GLIS3: variants seen among roughly 807,000 people sequenced by gnomAD.
The protein encoded by GLIS3 is GLIS family zinc finger 3.
A neutral mutation model predicts 78.6 loss-of-function variants in GLIS3; 53 were observed. That is an observed-to-expected ratio of 0.67 (90% CI 0.54 to 0.85). The LOEUF (loss-of-function observed/expected upper bound fraction) is 0.85. Ranked by LOEUF, GLIS3 falls within the 40% of genes least tolerant of loss-of-function variation. GLIS3 has a pLI of 0.00. For missense variants in GLIS3, 1,703 were observed against 1,231.1 expected (o/e 1.38, Z -5.74); for synonymous variants, 684 against 509.9 (o/e 1.34, Z -4.60).
At chr9:4,268,614 T>C (rs1320752786) in intron 2 of GLIS3, among the ~76,000 whole-genome samples, 1 of 152,228 alleles carries the variant, frequency 6.6e-6, no homozygotes, top group East Asian at 1.9e-4. Flanking sequence ...AAAGGTATTA[T>C]TATTCATAGG....
chr9:4,335,774 G>C (rs931412817), intron 2 of GLIS3, among the ~76,000 whole-genome samples: 2 of 152,086 alleles, frequency 1.3e-5, no homozygotes, highest in African/African-American at 4.8e-5. Context: ...CATCCCCTGG[G>C]TCCCTTGCCC....
chr9:4,204,264 G>A (rs896241388), intron 2 of GLIS3, among the ~76,000 whole-genome samples: 6 of 152,122 alleles, frequency 3.9e-5, no homozygotes, highest in African/African-American at 7.2e-5. Flanking sequence ...TACAGTTAGC[G>A]ATTTTATAAC....
intron 9 of GLIS3, 92 bp downstream of exon 9, chr9:3,855,917 A>G: frequency 7.4e-7 from 1 of 1,349,300 alleles, no homozygotes; most frequent in African/African-American, 1.4e-5. Flanking sequence ...TGTAGAACAG[A>G]GCATCTGAAA....
the GLIS3 span, among the ~76,000 whole-genome samples, chr9:4,369,885 T>G: frequency 4.0e-5 from 6 of 151,868 alleles, no homozygotes; most frequent in African/African-American, 1.2e-4. Context: ...AATGGAGAGA[T>G]AGCAAAAGGA....
chr9:4,471,787 A>G, the GLIS3 span, among the ~76,000 whole-genome samples: 2 of 152,218 alleles, frequency 1.3e-5, no homozygotes, highest in Admixed American at 1.3e-4. Context: ...GCTTCTGCAC[A>G]GCAAAAGAAA....
intron 4 of GLIS3, among the ~76,000 whole-genome samples, chr9:3,955,064 G>T (rs140337348): frequency 6.6e-6 from 1 of 152,312 alleles, no homozygotes; most frequent in East Asian, 1.9e-4. Context: ...AGGGGACAAG[G>T]GGACAGGCTG....
chr9:4,317,238 C>G (rs573950914), intron 2 of GLIS3, among the ~76,000 whole-genome samples: 2 of 152,326 alleles, frequency 1.3e-5, no homozygotes, highest in East Asian at 1.9e-4. Flanking sequence ...TTCTCTTGTA[C>G]TTAGCCTGTG....
chr9:4,026,809 T>C (rs529558485), intron 4 of GLIS3, among the ~76,000 whole-genome samples: 1 of 152,210 alleles, frequency 6.6e-6, no homozygotes. Context: ...AAAATTAACT[T>C]CTATTGGCCA....
intron 2 of GLIS3, among the ~76,000 whole-genome samples, chr9:4,148,817 C>T (rs1396163328): frequency 6.6e-6 from 1 of 152,008 alleles, no homozygotes; most frequent in Admixed American, 6.6e-5. Flanking sequence ...TGCTGAGAAG[C>T]CTGGAGTGGG....
At chr9:4,148,481 C>T (rs1275125248) in intron 2 of GLIS3, among the ~76,000 whole-genome samples, 1 of 152,110 alleles carries the variant, frequency 6.6e-6, no homozygotes, top group Non-Finnish European at 1.5e-5. Context: ...CTCTATTCCT[C>T]CTCTAAACTC....
chr9:4,041,754 G>A (rs1824829736), intron 4 of GLIS3, among the ~76,000 whole-genome samples: 1 of 152,100 alleles, frequency 6.6e-6, no homozygotes, highest in Admixed American at 6.6e-5. Context: ...GATAAAACCA[G>A]GTAGAACACC....
chr9:3,897,166 G>C (rs1822911527), intron 7 of GLIS3, among the ~76,000 whole-genome samples: 3 of 152,094 alleles, frequency 2.0e-5, no homozygotes, highest in Admixed American at 6.5e-5. Flanking sequence ...CCATTTCTGA[G>C]AGGATTAAAT....
At chr9:4,282,504 C>G (rs145407423) in intron 2 of GLIS3, among the ~76,000 whole-genome samples, 213 of 152,310 alleles carry the variant, frequency 1.4e-3, no homozygotes, top group African/African-American at 4.9e-3. Context: ...AACTGGGACA[C>G]TGGCTTTTTC....
At chr9:3,915,499 C>T (rs1824449556) in intron 6 of GLIS3, among the ~76,000 whole-genome samples, 1 of 152,062 alleles carries the variant, frequency 6.6e-6, no homozygotes, top group East Asian at 1.9e-4. Flanking sequence ...TATTATCAGC[C>T]TTGCATGTTG....
intron 2 of GLIS3, among the ~76,000 whole-genome samples, chr9:4,150,289 C>T (rs1256194359): frequency 1.3e-5 from 2 of 152,212 alleles, no homozygotes; most frequent in Admixed American, 6.5e-5. Flanking sequence ...GACCTAAAAG[C>T]AGAGTCCAAC....
chr9:4,445,123 G>T, the GLIS3 span, among the ~76,000 whole-genome samples: 767 of 152,276 alleles, frequency 5.0e-3, 6 homozygotes, highest in African/African-American at 0.017. Context: ...GGTGCAATGA[G>T]GTGTGGGAGA....
At chr9:4,276,352 G>A (rs926926434) in intron 2 of GLIS3, among the ~76,000 whole-genome samples, 8 of 46,584 alleles carry the variant, frequency 1.7e-4, no homozygotes, top group Admixed American at 8.9e-4. Flanking sequence ...GAGAGGGCAC[G>A]GGAGGGAAGG....
chr9:4,011,941 G>A (rs1441305677), intron 4 of GLIS3, among the ~76,000 whole-genome samples: 1 of 152,022 alleles, frequency 6.6e-6, no homozygotes, highest in Non-Finnish European at 1.5e-5. Flanking sequence ...CATTAAAAAC[G>A]ATTACTTTTG....
the GLIS3 span, among the ~76,000 whole-genome samples, chr9:4,463,464 T>C: frequency 3.9e-5 from 6 of 152,204 alleles, no homozygotes; most frequent in South Asian, 2.1e-4. Context: ...CCTGAAAATA[T>C]GCTATTCATC....
Sources: gnomAD v4.1 joint callset for allele counts (sites outside exome capture counted in the v4.1 genomes callset) on GRCh38, gnomAD v4.1.1 for gene constraint, MANE v1.5 for transcripts, NCBI Gene and HGNC (gene_info 2026-07-23, HGNC 2026-07-21) for gene names.